Variants in UTRN observed in about 807,000 individuals in gnomAD.
UTRN encodes the protein utrophin, also known as dystrophin-related protein 1.
UTRN carries 283 observed loss-of-function variants against 463.9 expected under a neutral mutation model. The observed-to-expected ratio is 0.61, with a 90% CI of 0.55 to 0.67. UTRN has a LOEUF of 0.67. UTRN is among the 30% of genes least tolerant of loss of function. UTRN has a pLI of 0.00. For missense variants in UTRN, 3,922 were observed against 4,084.3 expected, an observed-to-expected ratio of 0.96 and a Z score of 1.08; for synonymous variants, 1,442 against 1,431.5, an observed-to-expected ratio of 1.01 and a Z score of -0.17.
chr6:144,774,958 G>C (rs1018338055), intron 60 of UTRN, among the ~76,000 whole-genome samples: 4 of 152,178 alleles, frequency 2.6e-5, no homozygotes, highest in African/African-American at 9.7e-5. Flanking sequence ...TTAAGTAGCA[G>C]TGTGAATACT....
rs535929855 is a variant in UTRN at position 144,850,272 on chromosome 6, G to C, written c.10294-717G>C. ...GCTTCATTAGGAACATGCTTCCAGG[G>C]AGCAGGATAAAGTCCCCCATAAAAT... On this transcript the variant is annotated intron_variant, in intron 74 of 74. Coordinates refer to ENST00000367545, the MANE Select transcript of UTRN (RefSeq NM_007124.3). Among the ~76,000 whole-genome samples, 3 of 152,262 alleles carry C rather than the reference G, an allele frequency of 2.0e-5. No homozygotes were observed. The East Asian group carries it at 5.8e-4, about 29-fold the overall frequency.
rs1465091710 is a variant in UTRN, at chr6:144,660,159, G to A, written c.7480-18247G>A. The A allele has an allele frequency of 1.1e-5, 5 of 468,892 alleles. No individual in the cohort carries two copies. The Admixed American group carries it at 1.2e-4, about 11-fold the overall frequency. The allele number at this position is 468,892 out of a possible 1,614,324, so 29.0% of individuals were successfully genotyped here. ...ATAGCCAGAAAAGATACGGTGTTTA[G>A]AAGTTAAACGCTGTTGTCTGAAGGA... On this transcript the variant is annotated intron_variant, in intron 51 of 74. Coordinates refer to ENST00000367545, the MANE Select transcript of UTRN (RefSeq NM_007124.3).
intron 2 of UTRN, among the ~76,000 whole-genome samples, chr6:144,372,717 G>A (rs543117835): frequency 7.2e-5 from 11 of 152,102 alleles, no homozygotes; most frequent in African/African-American, 2.7e-4. Flanking sequence ...TGGCCCGGCT[G>A]GTCTTGAACT....
intron 51 of UTRN, among the ~76,000 whole-genome samples, chr6:144,593,168 C>T (rs1042324153): frequency 5.3e-5 from 8 of 152,144 alleles, no homozygotes; most frequent in African/African-American, 1.9e-4. Context: ...GAGCTGTCCA[C>T]GTTCTTGGCG....
At chr6:144,630,411 G>T (rs1330560208) in intron 51 of UTRN, among the ~76,000 whole-genome samples, 5 of 152,280 alleles carry the variant, frequency 3.3e-5, no homozygotes, top group African/African-American at 1.2e-4. Flanking sequence ...CACATGGCTG[G>T]GGAGGCCTCA....
At chr6:144,821,320 A>T (rs564530818) in intron 66 of UTRN, among the ~76,000 whole-genome samples, 37 of 152,192 alleles carry the variant, frequency 2.4e-4, no homozygotes, top group Middle Eastern at 3.4e-3. Flanking sequence ...AAAAACACTT[A>T]AAGTGTGGCA....
intron 2 of UTRN, among the ~76,000 whole-genome samples, chr6:144,299,552 T>C (rs2473140): frequency 0.15 from 22,744 of 151,814 alleles, 2,296 homozygotes; most frequent in African/African-American, 0.28. Flanking sequence ...TTTGGCCCAT[T>C]GAACCAGAAG....
At chr6:144,425,252 G>T (rs890324847) in intron 6 of UTRN, among the ~76,000 whole-genome samples, 3 of 152,060 alleles carry the variant, frequency 2.0e-5, no homozygotes, top group African/African-American at 7.2e-5. Context: ...TTCACTTTTG[G>T]CAGGGACGTC....
chr6:144,764,591 A>G (rs1418794727), intron 58 of UTRN, among the ~76,000 whole-genome samples: 1 of 152,322 alleles, frequency 6.6e-6, no homozygotes, highest in Non-Finnish European at 1.5e-5. Context: ...CTGTGGGGCC[A>G]TTTAGAGAGG....
chr6:144,369,220 G>GT (rs1413544318), intron 2 of UTRN, among the ~76,000 whole-genome samples: 12 of 152,306 alleles, frequency 7.9e-5, no homozygotes, highest in Admixed American at 7.8e-4. Flanking sequence ...GGCTTATAAG[G>GT]TTTGTAGGAC....
chr6:144,428,888 C>G lies in UTRN; in HGVS notation c.689C>G (p.Pro230Arg). ...TYLGIEKLLD[P>R]EDVAVQLPDK... is the part of the protein sequence containing the mutation. The stretch of plus-strand genomic sequence containing the variant: ...TTGGGAATTGAAAAGCTGTTAGATC[C>G]TGAAGGTATTGTCCAGTATTTAATT... Residue 230 changes from proline (P) to arginine (R), a missense_variant, in exon 8 of 75, where the codon CCT becomes CGT. Pro to Arg is a moderately radical substitution (Grantham distance 103). Transcript: ENST00000367545. 1 of 1,598,838 alleles carries G rather than the reference C, an allele frequency of 6.3e-7. No individual in the cohort carries two copies. The highest frequency in any genetic ancestry group is 8.5e-7 in the Non-Finnish European group (1 of 1,171,132).
At chr6:144,741,473 G>C (rs186971237) in intron 54 of UTRN, among the ~76,000 whole-genome samples, 27 of 152,232 alleles carry the variant, frequency 1.8e-4, no homozygotes, top group Admixed American at 1.4e-3. Flanking sequence ...TACGTTTTGA[G>C]TGCCTACCAT....
At chr6:144,515,127 G>T (rs1405495453) in intron 37 of UTRN, among the ~76,000 whole-genome samples, 1 of 152,056 alleles carries the variant, frequency 6.6e-6, no homozygotes, top group Non-Finnish European at 1.5e-5. Context: ...CTGGTCTTGA[G>T]CTGCTGACCT....
At chr6:144,665,408 A>C (rs1780282008) in intron 51 of UTRN, among the ~76,000 whole-genome samples, 2 of 152,192 alleles carry the variant, frequency 1.3e-5, no homozygotes, top group South Asian at 4.1e-4. Flanking sequence ...ATTTGTTTAT[A>C]ATGTTTTATA....
intron 24 of UTRN, among the ~76,000 whole-genome samples, chr6:144,474,394 C>CA (rs1251708558): frequency 6.6e-6 from 1 of 152,076 alleles, no homozygotes; most frequent in Non-Finnish European, 1.5e-5. Flanking sequence ...TTCTGAGAGT[C>CA]AAGTATTTCC....
At chr6:144,375,852 C>G (rs1353768295) in intron 2 of UTRN, among the ~76,000 whole-genome samples, 1 of 152,154 alleles carries the variant, frequency 6.6e-6, no homozygotes, top group African/African-American at 2.4e-5. Context: ...GGGCACCACT[C>G]TTCTGGTCTA....
rs200996159 is a variant in UTRN, at chr6:144,491,093, C to G, written c.4428C>G (p.Asp1476Glu). ...CTGACGTCATACAGACGCACCTGGA[C>G]AAGTGTATGGTGAGGCTTTTGGGTG... ...VDPDVIQTHL[D>E]KCMKLYKTLS... The change falls in exon 32 of 75, where the codon GAC (aspartate) becomes GAG (glutamate). Residue 1476 changes from aspartate to glutamate, a missense_variant. This residue lies in a region of UTRN where 2,349 missense variants were observed against 2,303.8 expected (regional missense o/e 1.02). Coordinates refer to ENST00000367545, the MANE Select transcript of UTRN (RefSeq NM_007124.3). 24 of 1,606,208 alleles carry G rather than the reference C, an allele frequency of 1.5e-5. No homozygotes were observed. The highest frequency in any genetic ancestry group is 1.7e-4 in the Middle Eastern group (1 of 6,024).
At chr6:144,793,809 G>C (rs1042353276) in intron 62 of UTRN, 25 bp from the exon 63 acceptor site, 13 of 1,609,310 alleles carry the variant, frequency 8.1e-6, no homozygotes, top group Non-Finnish European at 1.1e-5. Context: ...ACAGATGAAA[G>C]TTAACCTCTT....
chr6:144,685,760 A>G lies in UTRN; in HGVS notation c.7652+7182A>G, dbSNP rs1782685423. On this transcript the variant is annotated intron_variant, in intron 52 of 74. Coordinates refer to ENST00000367545, the MANE Select transcript of UTRN (RefSeq NM_007124.3). ...GAGTTCCTTGTAGATTCTGGATATC[A>G]ATTCTTTGTTGGGAGATTCTGGATA... Among the ~76,000 whole-genome samples, 3 of 149,186 alleles carry G rather than the reference A, an allele frequency of 2.0e-5. No individual in the cohort carries two copies. The South Asian group carries it at 6.2e-4, about 31-fold the overall frequency.
Sources: gnomAD v4.1 joint callset for allele counts (sites outside exome capture counted in the v4.1 genomes callset) on GRCh38, gnomAD v4.1.1 for gene constraint, gnomAD v4.1.1 regional missense constraint, MANE v1.5 for transcripts, NCBI Gene and HGNC (gene_info 2026-07-23, HGNC 2026-07-21) for gene names.